NMNAT2: variants seen among roughly 807,000 people sequenced by gnomAD.
NMNAT2 encodes the protein nicotinamide nucleotide adenylyltransferase 2, also known as nicotinamide/nicotinic acid mononucleotide adenylyltransferase 2.
In NMNAT2, 11 loss-of-function variants were observed where a neutral mutation model predicts 41.6. That is an observed-to-expected ratio of 0.26 (90% confidence interval 0.17 to 0.44). The LOEUF is 0.44. NMNAT2 is among the 20% of genes least tolerant of loss of function. The pLI is 1.00. For missense variants in NMNAT2, 288 were observed against 407.7 expected (o/e 0.71, Z 2.53); for synonymous variants, 148 against 151.2 (o/e 0.98, Z 0.16).
chr1:183,270,035 A>C (rs902695602), intron 8 of NMNAT2, among the ~76,000 whole-genome samples: 7 of 152,054 alleles, frequency 4.6e-5, no homozygotes. Context: ...AGGCACCCGC[A>C]ACCACGCCCG....
intron 1 of NMNAT2, among the ~76,000 whole-genome samples, chr1:183,373,238 C>G (rs1663590284): frequency 6.6e-6 from 1 of 152,194 alleles, no homozygotes; most frequent in Non-Finnish European, 1.5e-5. Context: ...AAAGGTAGGG[C>G]AACATTGCTG....
chr1:183,337,278 GA>G (rs927478926), intron 1 of NMNAT2, among the ~76,000 whole-genome samples: 17 of 149,526 alleles, frequency 1.1e-4, no homozygotes, highest in Admixed American at 3.3e-4. Flanking sequence ...ATAAAAATAT[GA>G]AAAAAATTAG....
chr1:183,311,271 C>T (rs191777472), intron 1 of NMNAT2, among the ~76,000 whole-genome samples: 260 of 152,232 alleles, frequency 1.7e-3, no homozygotes, highest in Middle Eastern at 6.8e-3. Flanking sequence ...GCAGAGTGAG[C>T]GATTTGGGGA....
intron 8 of NMNAT2, among the ~76,000 whole-genome samples, chr1:183,276,153 G>T (rs1661120191): frequency 6.6e-6 from 1 of 152,176 alleles, no homozygotes; most frequent in South Asian, 2.1e-4. Context: ...CAACCACCCA[G>T]ATGGGACAGA....
intron 6 of NMNAT2, 134 bp from the exon 7 acceptor site, chr1:183,284,173 C>A: frequency 1.4e-6 from 1 of 707,702 alleles, no homozygotes; most frequent in Non-Finnish European, 2.4e-6. Flanking sequence ...TGGTGTGCCA[C>A]CTGAGGAGGG....
intron 1 of NMNAT2, among the ~76,000 whole-genome samples, chr1:183,318,838 G>C (rs1223755746): frequency 6.6e-6 from 1 of 152,212 alleles, no homozygotes; most frequent in Non-Finnish European, 1.5e-5. Flanking sequence ...CAAGGGCAAA[G>C]AAGTACAAGC....
At position 183,308,532 on chromosome 1, in the gene NMNAT2, AAG is replaced by A. The variant is rs745653835; in HGVS notation, c.86-14741_86-14740del. ...GATAGTTCACTTCCGCATTATTCGT[AAG>A]AGTAAAAAATCAAGACTAAAAAAGG... On this transcript the variant is annotated intron_variant, in intron 1 of 10. Transcript: ENST00000287713. 1.8e-4 allele frequency among the ~76,000 whole-genome samples: 28 copies of A among 152,226 alleles called. 1 individual carries two copies. The highest frequency in any genetic ancestry group is 1.4e-3 in the Admixed American group (21 of 15,288).
intron 1 of NMNAT2, among the ~76,000 whole-genome samples, chr1:183,350,985 C>T (rs1292100697): frequency 6.6e-6 from 1 of 152,148 alleles, no homozygotes; most frequent in African/African-American, 2.4e-5. Context: ...TAAAATGTCG[C>T]CATGGAATCT....
chr1:183,393,531 A>T (rs1648543429), intron 1 of NMNAT2, among the ~76,000 whole-genome samples: 2 of 152,046 alleles, frequency 1.3e-5, no homozygotes, highest in African/African-American at 2.4e-5. Context: ...TACTGACAGA[A>T]TCTGGAAACT....
rs753297520 is a variant in NMNAT2 at position 183,382,272 on chromosome 1, G to A, written c.85+35911C>T. ...ACTATCATGAGAACAGCAAGGGGGA[G>A]ATCTGCCCCCATGATCCAATCACCT... On this transcript the variant is annotated intron_variant, in intron 1 of 10. Transcript: ENST00000287713. Among the ~76,000 whole-genome samples the A allele has an allele frequency of 4.7e-4, 71 of 152,160 alleles. 1 individual carries two copies. The highest frequency in any genetic ancestry group is 2.6e-4 in the Non-Finnish European group (18 of 68,024).
At chr1:183,377,164 G>A (rs1663697892) in intron 1 of NMNAT2, among the ~76,000 whole-genome samples, 1 of 152,082 alleles carries the variant, frequency 6.6e-6, no homozygotes, top group South Asian at 2.1e-4. Context: ...CTCTACCTGT[G>A]GTAAAGAGGC....
At chr1:183,315,744 G>A (rs1351884813) in intron 1 of NMNAT2, among the ~76,000 whole-genome samples, 2 of 146,676 alleles carry the variant, frequency 1.4e-5, no homozygotes, top group Middle Eastern at 3.3e-3. Context: ...TCATGCCACT[G>A]CACTCCAGCC....
At chr1:183,321,193 C>T (rs1435603271) in intron 1 of NMNAT2, among the ~76,000 whole-genome samples, 1 of 152,174 alleles carries the variant, frequency 6.6e-6, no homozygotes, top group African/African-American at 2.4e-5. Context: ...TTAATTTCAA[C>T]TCAATTTCAT....
At chr1:183,385,061 T>A (rs1369605357) in intron 1 of NMNAT2, among the ~76,000 whole-genome samples, 2 of 151,376 alleles carry the variant, frequency 1.3e-5, no homozygotes, top group Non-Finnish European at 2.9e-5. Context: ...ATAAAAAAAA[T>A]TAAAAATTAA....
chr1:183,275,286 C>T (rs970941170), intron 8 of NMNAT2, among the ~76,000 whole-genome samples: 2 of 152,154 alleles, frequency 1.3e-5, no homozygotes. Flanking sequence ...CGGCACACCT[C>T]TGTCATAGAC....
chr1:183,354,009 A>T (rs761346334), intron 1 of NMNAT2, among the ~76,000 whole-genome samples: 1 of 152,266 alleles, frequency 6.6e-6, no homozygotes, highest in East Asian at 1.9e-4. Flanking sequence ...GGCAATGACA[A>T]TCTTTCTCTG....
chr1:183,403,416 G>A (rs1217388953), intron 1 of NMNAT2, among the ~76,000 whole-genome samples: 1 of 151,558 alleles, frequency 6.6e-6, no homozygotes, highest in Non-Finnish European at 1.5e-5. Context: ...TTGAGTTGGG[G>A]GAAGGGACAA....
intron 1 of NMNAT2, among the ~76,000 whole-genome samples, chr1:183,373,445 G>A (rs554609416): frequency 6.6e-6 from 1 of 152,240 alleles, no homozygotes; most frequent in Non-Finnish European, 1.5e-5. Context: ...CTGTCATGGG[G>A]CAGCACTAGG....
At chr1:183,308,319 A>G (rs1662040983) in intron 1 of NMNAT2, among the ~76,000 whole-genome samples, 1 of 152,224 alleles carries the variant, frequency 6.6e-6, no homozygotes, top group African/African-American at 2.4e-5. Flanking sequence ...GCCCGTGAGG[A>G]TGGGGAAGTG....
Sources: gnomAD v4.1 joint callset for allele counts (sites outside exome capture counted in the v4.1 genomes callset) on GRCh38, gnomAD v4.1.1 for gene constraint, MANE v1.5 for transcripts, NCBI Gene and HGNC (gene_info 2026-07-23, HGNC 2026-07-21) for gene names.